The following DMRT2 variants were observed in gnomAD, a reference collection of about 807,000 sequenced individuals.
DMRT2 encodes the protein doublesex and mab-3 related transcription factor 2, also known as doublesex- and mab-3-related transcription factor 2.
In DMRT2, 33 loss-of-function variants were observed where a neutral mutation model predicts 43.5. That is an observed-to-expected ratio of 0.76 (90% CI 0.58 to 1.01). The LOEUF (loss-of-function observed/expected upper bound fraction) is 1.01. Among genes scored for constraint, DMRT2 ranks in the 50% least tolerant of loss-of-function variants. The pLI is 0.00. For missense variants in DMRT2, 1,064 were observed against 748.0 expected, an observed-to-expected ratio of 1.42 and a Z score of -4.93; for synonymous variants, 395 against 309.2, an observed-to-expected ratio of 1.28 and a Z score of -2.91.
chr9:1,051,530 G>A lies in DMRT2; in HGVS notation c.-44-40G>A. 1 of 1,424,630 alleles carries A rather than the reference G, an allele frequency of 7.0e-7. No individual in the cohort carries two copies. The highest frequency in any genetic ancestry group is 9.1e-7 in the Non-Finnish European group (1 of 1,099,080). 88.2% of individuals were successfully genotyped at this position (1,424,630 alleles called of 1,614,324 possible). A position where few individuals can be genotyped will look rare whatever the true frequency, so the allele number is the denominator to read the frequency against. ...CGGAGGCTCAGGGATGGTCCCTGAC[G>A]GCGGCCGGTGGGTCTTTGGATTTCT... is the stretch of plus-strand genomic sequence containing the variant. On this transcript the variant is annotated intron_variant, in intron 1 of 3. Transcript: ENST00000358146. The surrounding 1 kb of genome is among the most constrained non-coding windows in gnomAD (Gnocchi z 5.9).
Position 1,051,642 on chromosome 9 carries a change from C to T in DMRT2, c.29C>T (p.Ala10Val). The stretch of plus-strand genomic sequence containing the variant: ...GCCGACCCGCAGGCTGGCTCCGCGG[C>T]CGGGGACTGGGAGATCGATGTCGAG... MADPQAGSA[A>V]GDWEIDVESL... Residue 10 changes from alanine (A) to valine (V), a missense_variant, in exon 2 of 4, where the codon GCC (alanine) becomes GTC (valine). Ala to Val is a moderately conservative substitution (Grantham distance 64, BLOSUM62 0). Coordinates refer to ENST00000358146, the MANE Select transcript of DMRT2 (RefSeq NM_181872.6). This position sits in a 1 kb window ranked among gnomAD's most constrained non-coding sequence, Gnocchi z 5.9. The T allele has an allele frequency of 6.4e-7, 1 of 1,566,034 alleles. No homozygotes were observed.
rs372128789 is a variant in DMRT2, at chr9:1,051,054, A to T, written c.-45+279A>T. Among the ~76,000 whole-genome samples the T allele has an allele frequency of 6.6e-6, 1 of 152,182 alleles. No individual in the cohort carries two copies. Among genetic ancestry groups the T allele is most frequent in the South Asian group, 2.1e-4 (1 of 4,830 alleles). On this transcript the variant is annotated intron_variant, in intron 1 of 3. Coordinates refer to ENST00000358146, the MANE Select transcript of DMRT2 (RefSeq NM_181872.6). The surrounding 1 kb of genome is among the most constrained non-coding windows in gnomAD (Gnocchi z 5.9). Reference sequence around the variant, plus strand: ...GGGTGAGAGGACCTCTTCAAGCCCAAGGAGGGGTCCTTGTGGTGGTGTAGG... The same window carrying T: ...GGGTGAGAGGACCTCTTCAAGCCCATGGAGGGGTCCTTGTGGTGGTGTAGG...
intron 2 of DMRT2, chr9:1,053,106 TG>T (rs1399832206): frequency 1.3e-5 from 2 of 152,232 alleles, no homozygotes; most frequent in African/African-American, 4.8e-5. Flanking sequence ...TAGCATATGC[TG>T]GGTAGGACGC....
In DMRT2 at chr9:1,052,026, A is replaced by G. The variant is rs1403839567; in HGVS notation, c.413A>G (p.His138Arg). ...NHGVVSCLKGHKRFCRWRDCQ... is the reference protein window; with the variant it reads ...NHGVVSCLKGRKRFCRWRDCQ... ...GGCGTGGTGTCCTGCCTGAAGGGCC[A>G]CAAGCGCTTCTGTCGCTGGCGCGAC... Residue 138 changes from histidine to arginine, a missense_variant, in exon 2 of 4, where the codon CAC (histidine) becomes CGC (arginine). His to Arg is a conservative substitution (Grantham distance 29). Coordinates refer to ENST00000358146, the MANE Select transcript of DMRT2 (RefSeq NM_181872.6). 1 of 1,477,486 alleles carries G rather than the reference A, an allele frequency of 6.8e-7. No individual in the cohort carries two copies. The allele number at this position is 1,477,486 out of a possible 1,614,324, so 91.5% of individuals were successfully genotyped here.
intron 1 of DMRT2, among the ~76,000 whole-genome samples, 161 bp downstream of exon 1, chr9:1,050,936 A>C (rs1167584796): frequency 6.6e-6 from 1 of 152,180 alleles, no homozygotes; most frequent in African/African-American, 2.4e-5. Context: ...AGGTACTATT[A>C]AGGCTGGACG....
In DMRT2 at chr9:1,056,647, C is replaced by T. The variant is rs775428927; in HGVS notation, c.1060C>T (p.Leu354Phe). ...CAAGTGTGGCCCCATTAGCGACACC[C>T]TCCTCTACCAGCAATGCCTGCTAAA... ...WPKCGPISDT[L>F]LYQQCLLNAT... The change falls in exon 4 of 4, where the codon CTC (leucine) becomes TTC (phenylalanine). Residue 354 changes from leucine to phenylalanine, a missense_variant. Leu to Phe is a conservative substitution (Grantham distance 22). Coordinates refer to ENST00000358146, the MANE Select transcript of DMRT2 (RefSeq NM_181872.6). 2 of 1,614,086 alleles carry T rather than the reference C, an allele frequency of 1.2e-6. No individual in the cohort carries two copies. Among genetic ancestry groups the T allele is most frequent in the Non-Finnish European group, 1.7e-6 (2 of 1,180,054 alleles).
Position 1,051,598 on chromosome 9 carries a change from C to A in DMRT2, c.-16C>A. The A allele has an allele frequency of 6.6e-7, 1 of 1,521,080 alleles. No individual in the cohort carries two copies. The highest frequency in any genetic ancestry group is 8.7e-7 in the Non-Finnish European group (1 of 1,144,438). 94.2% of individuals were successfully genotyped at this position (1,521,080 alleles called of 1,614,324 possible). A position where few individuals can be genotyped will look rare whatever the true frequency, so the allele number is the denominator to read the frequency against. On this transcript the variant is annotated 5_prime_UTR_variant, in exon 2 of 4. Transcript: ENST00000358146. The surrounding 1 kb of genome is among the most constrained non-coding windows in gnomAD (Gnocchi z 5.9). ...GAGGGCCGCCAGGCTCAGGCCCCAG[C>A]GAAGCCCCGAGCGCCATGGCCGACC...
rs750152971 is a variant in DMRT2 at position 1,056,235 on chromosome 9, G to A, written c.648G>A (p.Ala216=). Residue 216 remains alanine (A), a synonymous_variant, in exon 4 of 4, where the codon GCG becomes GCA. Transcript: ENST00000358146. ...SILEGYRPIP[A]ETYVGGTFPL... ...TTGTAGGCTATCGCCCCATTCCAGCGGAGACTTATGTAGGAGGGACCTTCC... is the reference window on the plus strand; with the variant it reads ...TTGTAGGCTATCGCCCCATTCCAGCAGAGACTTATGTAGGAGGGACCTTCC... 154 of 1,610,656 alleles carry A rather than the reference G, an allele frequency of 9.6e-5. No homozygotes were observed. Among genetic ancestry groups the A allele is most frequent in the Non-Finnish European group, 1.2e-4 (140 of 1,178,926 alleles).
In DMRT2 at chr9:1,056,239, A is replaced by C; in HGVS notation, c.652A>C (p.Thr218Pro). 21 of 1,611,464 alleles carry C rather than the reference A, an allele frequency of 1.3e-5. No homozygotes were observed. Among genetic ancestry groups the C allele is most frequent in the Non-Finnish European group, 1.1e-5 (13 of 1,179,164 alleles). The change falls in exon 4 of 4, where the codon ACT becomes CCT. Residue 218 changes from threonine to proline, a missense_variant. Coordinates refer to ENST00000358146, the MANE Select transcript of DMRT2 (RefSeq NM_181872.6). ...AGGCTATCGCCCCATTCCAGCGGAGACTTATGTAGGAGGGACCTTCCCTCT... is the reference window on the plus strand; with the variant it reads ...AGGCTATCGCCCCATTCCAGCGGAGCCTTATGTAGGAGGGACCTTCCCTCT... ...LEGYRPIPAE[T>P]YVGGTFPLPP... is the part of the protein sequence containing the mutation.
Position 1,057,080 on chromosome 9 carries a change from A to G in DMRT2, c.1493A>G (p.Glu498Gly). The change falls in exon 4 of 4, where the codon GAG (glutamate) becomes GGG (glycine). Residue 498 changes from glutamate to glycine, a missense_variant. Transcript: ENST00000358146. ...KTPFVKEAFE[E>G]TPKKHRECLV... is the part of the protein sequence containing the mutation. ...CCATTTGTCAAAGAGGCCTTTGAAGAGACCCCTAAGAAACACAGAGAGTGT... is the reference window on the plus strand; with the variant it reads ...CCATTTGTCAAAGAGGCCTTTGAAGGGACCCCTAAGAAACACAGAGAGTGT... The G allele has an allele frequency of 6.2e-7, 1 of 1,614,220 alleles. No individual in the cohort carries two copies. The highest frequency in any genetic ancestry group is 8.5e-7 in the Non-Finnish European group (1 of 1,180,044).
intron 3 of DMRT2, among the ~76,000 whole-genome samples, chr9:1,055,322 T>A (rs1173788167): frequency 6.6e-6 from 1 of 152,200 alleles, no homozygotes; most frequent in Admixed American, 6.5e-5. Context: ...ATACTCCAAG[T>A]ATTTTATGCC....
intron 2 of DMRT2, 84 bp downstream of exon 2, chr9:1,052,222 C>T: frequency 8.6e-7 from 1 of 1,168,468 alleles, no homozygotes; most frequent in Non-Finnish European, 1.1e-6. Flanking sequence ...TCCACACCCC[C>T]CGCGCCCAGG....
At chr9:1,052,372 G>T (rs1415847591) in intron 2 of DMRT2, among the ~76,000 whole-genome samples, 4 of 152,252 alleles carry the variant, frequency 2.6e-5, no homozygotes, top group Non-Finnish European at 5.9e-5. Context: ...CAGGCAGAGA[G>T]GCCTTGAAAG....
chr9:1,056,444 C>T lies in DMRT2; in HGVS notation c.857C>T (p.Ala286Val), dbSNP rs777672832. ...CCTGACTACAATTCCTACAAAAGTG[C>T]CTACAGCCCCAGCCCAGTGGAACCA... ...PGPDYNSYKS[A>V]YSPSPVEPPS... The change falls in exon 4 of 4, where the codon GCC becomes GTC. Residue 286 changes from alanine to valine, a missense_variant. Ala to Val is a moderately conservative substitution (Grantham distance 64). Transcript: ENST00000358146. 12 of 1,614,182 alleles carry T rather than the reference C, an allele frequency of 7.4e-6. No individual in the cohort carries two copies. The East Asian group carries it at 2.7e-4, about 36-fold the overall frequency.
Position 1,056,637 on chromosome 9 carries a change from T to G in DMRT2, c.1050T>G (p.Ile350Met), listed in dbSNP as rs1822010132. 6.2e-7 allele frequency: 1 copy of G among 1,614,156 alleles called. No individual in the cohort carries two copies. The change falls in exon 4 of 4, where the codon ATT (isoleucine) becomes ATG (methionine). Residue 350 changes from isoleucine (I) to methionine (M), a missense_variant. By Grantham distance (10) the Ile-to-Met change is conservative (BLOSUM62 1). Transcript: ENST00000358146. The stretch of plus-strand genomic sequence containing the variant: ...TAGTTTGGCCCAAGTGTGGCCCCAT[T>G]AGCGACACCCTCCTCTACCAGCAAT... ...RFLVWPKCGP[I>M]SDTLLYQQCL...
At chr9:1,055,956 C>A in intron 3 of DMRT2, 1 of 1,393,378 alleles carries the variant, frequency 7.2e-7, no homozygotes, top group Non-Finnish European at 9.2e-7. Flanking sequence ...AGCAAGCAAG[C>A]AAACAAATCC....
intron 3 of DMRT2, chr9:1,054,495 T>G (rs1821835765): frequency 6.6e-6 from 1 of 151,876 alleles, no homozygotes; most frequent in Admixed American, 6.6e-5. Flanking sequence ...GGTTATAGAA[T>G]CTGAAAAAGG....
rs367839924 is a variant in DMRT2 at position 1,051,556 on chromosome 9, TTG to T, written c.-44-10_-44-9del. 1,291 of 1,450,432 alleles carry T rather than the reference TTG, an allele frequency of 8.9e-4. 4 individuals carry two copies. Among genetic ancestry groups the T allele is most frequent in the African/African-American group, 3.8e-3 (257 of 67,444 alleles). The allele number at this position is 1,450,432 out of a possible 1,614,324, so 89.8% of individuals were successfully genotyped here. A position where few individuals can be genotyped will look rare whatever the true frequency, so the allele number is the denominator to read the frequency against. On this transcript the variant is annotated splice_polypyrimidine_tract_variant and intron_variant, in intron 1 of 3. Coordinates refer to ENST00000358146, the MANE Select transcript of DMRT2 (RefSeq NM_181872.6). This position sits in a 1 kb window ranked among gnomAD's most constrained non-coding sequence, Gnocchi z 5.9. ...GCGGCCGGTGGGTCTTTGGATTTCT[TTG>T]TGTTTCCCCAGAGTGAGGGCCGCCA...
At position 1,056,927 on chromosome 9, in the gene DMRT2, C is replaced by G. The variant is rs1021446037; in HGVS notation, c.1340C>G (p.Ala447Gly). 6.2e-7 allele frequency: 1 copy of G among 1,614,184 alleles called. No homozygotes were observed. The highest frequency in any genetic ancestry group is 1.7e-5 in the Admixed American group (1 of 60,026). The change falls in exon 4 of 4, where the codon GCT becomes GGT. Residue 447 changes from alanine (A) to glycine (G), a missense_variant. Ala to Gly is a moderately conservative substitution (Grantham distance 60). Coordinates refer to ENST00000358146, the MANE Select transcript of DMRT2 (RefSeq NM_181872.6). ...ATTGTTGACACGGACTCCCTGGCAG[C>G]TCAAGGGCATGTCTTAACGAAGATC... is the stretch of plus-strand genomic sequence containing the variant. The part of the protein sequence containing the change: ...SPIVDTDSLA[A>G]QGHVLTKISK...
Sources: gnomAD v4.1 joint callset for allele counts (sites outside exome capture counted in the v4.1 genomes callset) on GRCh38, gnomAD v4.1.1 for gene constraint, Gnocchi (gnomAD v3.1) non-coding constraint, MANE v1.5 for transcripts, NCBI Gene and HGNC (gene_info 2026-07-23, HGNC 2026-07-21) for gene names.